The following VPS13C variants were observed in gnomAD, a reference collection of about 807,000 sequenced individuals.
VPS13C encodes intermembrane lipid transfer protein VPS13C.
VPS13C carries 358 observed loss-of-function variants against 456.8 expected under a neutral mutation model. The observed-to-expected ratio is 0.78, with a 90% CI of 0.72 to 0.86. The LOEUF is 0.86. VPS13C is among the 40% of genes least tolerant of loss of function. VPS13C has a pLI of 0.00. For missense variants in VPS13C, 4,818 were observed against 4,385.4 expected (o/e 1.10, Z -2.79); for synonymous variants, 1,578 against 1,486.7 (o/e 1.06, Z -1.41).
At chr15:61,882,555 C>A in intron 69 of VPS13C, 41 bp downstream of exon 69, 1 of 1,442,540 alleles carries the variant, frequency 6.9e-7, no homozygotes, top group Non-Finnish European at 9.1e-7. Flanking sequence ...CCAAGATTCC[C>A]AAAGTGATGA....
In VPS13C at chr15:61,906,275, G is replaced by A. The variant is rs576933317; in HGVS notation, c.9105+989C>T. Among the ~76,000 whole-genome samples, 8 of 152,184 alleles carry A rather than the reference G, an allele frequency of 5.3e-5. No individual in the cohort carries two copies. In the South Asian group the frequency reaches 1.5e-3, roughly 28 times the overall value. On this transcript the variant is annotated intron_variant, in intron 66 of 84. Coordinates refer to ENST00000644861, the MANE Select transcript of VPS13C (RefSeq NM_020821.3). ...TTGCTTATAGCTCAATTTTCAATAC[G>A]TGGCAGACTATCTGCTGACTGAGGT...
At chr15:61,984,786 T>C in intron 19 of VPS13C, 71 bp downstream of exon 19, 2 of 1,474,932 alleles carry the variant, frequency 1.4e-6, no homozygotes, top group Admixed American at 4.2e-5. Context: ...TTTTTAAACC[T>C]GAATAACACA....
intron 35 of VPS13C, among the ~76,000 whole-genome samples, 145 bp downstream of exon 35, chr15:61,961,432 CACACACACACAA>C (rs1464912362): frequency 1.5e-5 from 2 of 131,430 alleles, no homozygotes; most frequent in Non-Finnish European, 3.3e-5. Context: ...CACACACACA[CACACACACACAA>C]AACAATGACA....
chr15:61,862,135 A>C (rs1234625436), intron 82 of VPS13C, among the ~76,000 whole-genome samples: 1 of 151,860 alleles, frequency 6.6e-6, no homozygotes, highest in Non-Finnish European at 1.5e-5. Context: ...AAAAGAAAAG[A>C]GTGAGAAGAG....
chr15:61,891,770 G>A (rs762253822), intron 66 of VPS13C, among the ~76,000 whole-genome samples: 2 of 152,098 alleles, frequency 1.3e-5, no homozygotes, highest in South Asian at 2.1e-4. Context: ...AATCAACAGA[G>A]GGTGATAACG....
In VPS13C at chr15:61,915,790, C is replaced by T. The variant is rs868418259; in HGVS notation, c.8288G>A (p.Arg2763Gln). 11 of 1,613,958 alleles carry T rather than the reference C, an allele frequency of 6.8e-6. No homozygotes were observed. Among genetic ancestry groups the T allele is most frequent in the African/African-American group, 2.7e-5 (2 of 74,892 alleles). Residue 2763 changes from arginine (R) to glutamine (Q), a missense_variant, in exon 61 of 85, where the codon CGG becomes CAG. By Grantham distance (43) the Arg-to-Gln change is conservative (BLOSUM62 1). Transcript: ENST00000644861. ...LSVHVRRIGS[R>Q]MVLSVFSPYW... ...GGGACTAAAGACAGACAGCACCATC[C>T]GGCTGCCAATTCTCCTGACGTGGAC...
In VPS13C at chr15:61,941,778, T is replaced by C. The variant is rs2044433781; in HGVS notation, c.5438A>G (p.Gln1813Arg). Residue 1813 changes from glutamine to arginine, a missense_variant, in exon 46 of 85, where the codon CAG (glutamine) becomes CGG (arginine). Gln to Arg is a conservative substitution (Grantham distance 43). Transcript: ENST00000644861. ...ATATTTATACCTTGACAGCTTCAAC[T>C]GAGTGAGTTCGATGTTCATTTTATC... ...VIDKMNIELT[Q>R]LKLSRTILQA... The C allele has an allele frequency of 6.2e-7, 1 of 1,611,522 alleles. No homozygotes were observed.
At chr15:61,917,755 T>C (rs537253905) in intron 59 of VPS13C, 120 bp from the exon 60 acceptor site, 18 of 1,152,670 alleles carry the variant, frequency 1.6e-5, no homozygotes, top group South Asian at 1.8e-5. Flanking sequence ...TTTACAGATA[T>C]ACAGATGAGG....
rs538517020 is a variant in VPS13C, at chr15:62,020,676, A to G, written c.625-138T>C. ...AATGGATTTGTGGAAAACACAGGGGAAGGAGGTAATAACATGGCTGGGATT... is the reference window on the plus strand; with the variant it reads ...AATGGATTTGTGGAAAACACAGGGGGAGGAGGTAATAACATGGCTGGGATT... On this transcript the variant is annotated intron_variant, in intron 8 of 84. Coordinates refer to ENST00000644861, the MANE Select transcript of VPS13C (RefSeq NM_020821.3). 49 of 682,418 alleles carry G rather than the reference A, an allele frequency of 7.2e-5. 1 individual carries two copies. The South Asian group carries it at 9.8e-4, about 14-fold the overall frequency. The allele number at this position is 682,418 out of a possible 1,614,324, so 42.3% of individuals were successfully genotyped here.
chr15:61,905,976 C>A (rs1480807058), intron 66 of VPS13C, among the ~76,000 whole-genome samples: 6 of 152,080 alleles, frequency 3.9e-5, no homozygotes, highest in Admixed American at 3.3e-4. Context: ...TTTCGAAATG[C>A]TTCTTCTGGT....
intron 27 of VPS13C, among the ~76,000 whole-genome samples, 163 bp downstream of exon 27, chr15:61,972,462 G>A (rs969088717): frequency 6.6e-6 from 1 of 152,064 alleles, no homozygotes; most frequent in South Asian, 2.1e-4. Context: ...GTGTGTGAGA[G>A]AGAAAGAGTG....
intron 19 of VPS13C, among the ~76,000 whole-genome samples, chr15:61,984,459 G>A (rs2045975852): frequency 6.6e-6 from 1 of 152,090 alleles, no homozygotes; most frequent in Non-Finnish European, 1.5e-5. Flanking sequence ...TTAACTATGA[G>A]GCATTTAATT....
intron 9 of VPS13C, 76 bp downstream of exon 9, chr15:62,020,403 T>G: frequency 2.3e-6 from 3 of 1,297,276 alleles, no homozygotes; most frequent in Non-Finnish European, 3.2e-6. Flanking sequence ...CATAGTTGAT[T>G]CTAGACAATT....
At chr15:62,034,109 AG>A (rs1196958239) in intron 4 of VPS13C, among the ~76,000 whole-genome samples, 1 of 151,692 alleles carries the variant, frequency 6.6e-6, no homozygotes, top group African/African-American at 2.4e-5. Flanking sequence ...TACTGACTAT[AG>A]TATTGACTAG....
Position 61,872,016 on chromosome 15 carries a change from T to A in VPS13C, c.10597A>T (p.Thr3533Ser). The A allele has an allele frequency of 6.2e-7, 1 of 1,612,722 alleles. No individual in the cohort carries two copies. The highest frequency in any genetic ancestry group is 8.5e-7 in the Non-Finnish European group (1 of 1,179,248). The change falls in exon 79 of 85, where the codon ACT becomes TCT. Residue 3533 changes from threonine to serine, a missense_variant. This residue lies in a region of VPS13C where 4,552 missense variants were observed against 4,130.6 expected (regional missense o/e 1.10). Transcript: ENST00000644861. Reference sequence around the variant, plus strand: ...TCCACAGGTTTTGTTATTATTCCAGTCACTCCACCAACAACTCCCTGAAAG... The same window carrying A: ...TCCACAGGTTTTGTTATTATTCCAGACACTCCACCAACAACTCCCTGAAAG... ...GFLRGVVGGV[T>S]GIITKPVEGA...
chr15:62,052,651 C>T (rs575765497), intron 1 of VPS13C, among the ~76,000 whole-genome samples: 21 of 123,294 alleles, frequency 1.7e-4, no homozygotes, highest in South Asian at 2.5e-4. Flanking sequence ...CCAGCCTGGG[C>T]GACAAAGCAA....
In VPS13C at chr15:62,007,397, G is replaced by A. The variant is rs1275372912; in HGVS notation, c.1201C>T (p.His401Tyr). The A allele has an allele frequency of 9.9e-6, 16 of 1,612,700 alleles. No individual in the cohort carries two copies. The highest frequency in any genetic ancestry group is 1.4e-5 in the Non-Finnish European group (16 of 1,179,394). Residue 401 changes from histidine (H) to tyrosine (Y), a missense_variant, in exon 15 of 85, where the codon CAC becomes TAC. By Grantham distance (83) the His-to-Tyr change is moderately conservative. Transcript: ENST00000644861. Reference sequence around the variant, plus strand: ...TTATAACTCTTGAGTAACTGCCTGTGCTTTTTTATGTTACTCCATGACCAC... The same window carrying A: ...TTATAACTCTTGAGTAACTGCCTGTACTTTTTTATGTTACTCCATGACCAC... ...QMWSWSNIKK[H>Y]RQLLKSYKIA...
At chr15:61,985,458 T>C (rs926512975) in intron 18 of VPS13C, among the ~76,000 whole-genome samples, 1 of 152,152 alleles carries the variant, frequency 6.6e-6, no homozygotes, top group Non-Finnish European at 1.5e-5. Flanking sequence ...GGTTTCACCA[T>C]GTTGGTCAGA....
At chr15:62,057,803 AAAC>A (rs2048849549) in intron 1 of VPS13C, among the ~76,000 whole-genome samples, 1 of 152,214 alleles carries the variant, frequency 6.6e-6, no homozygotes, top group Non-Finnish European at 1.5e-5. Flanking sequence ...CAGTTGTGAA[AAAC>A]TTCAAAATCT....
Sources: allele counts gnomAD v4.1 joint callset (sites outside exome capture counted in the v4.1 genomes callset), GRCh38; gene constraint gnomAD v4.1.1; regional missense constraint gnomAD v4.1.1; transcripts MANE v1.5; gene names NCBI Gene and HGNC (gene_info 2026-07-23, HGNC 2026-07-21).